Variants in SKAP1 observed in about 807,000 individuals in gnomAD.
The protein encoded by SKAP1 is src kinase associated phosphoprotein 1, also known as src kinase-associated phosphoprotein 1.
SKAP1 carries 44 observed loss-of-function variants against 58.5 expected under a neutral mutation model. The ratio of observed to expected loss-of-function variants is 0.75; its 90% confidence interval spans 0.59 to 0.97. SKAP1 has a LOEUF of 0.97. Among genes scored for constraint, SKAP1 ranks in the 50% least tolerant of loss-of-function variants. The pLI, the probability that SKAP1 is intolerant of heterozygous loss-of-function variation, is 0.00. For missense variants in SKAP1, 390 were observed against 435.2 expected (o/e 0.90, Z 0.92); for synonymous variants, 127 against 149.7 (o/e 0.85, Z 1.11).
chr17:48,370,244 C>T (rs1001945181), intron 2 of SKAP1, among the ~76,000 whole-genome samples: 1 of 152,178 alleles, frequency 6.6e-6, no homozygotes, highest in South Asian at 2.1e-4. Context: ...AAATGCTCAA[C>T]ATTACTAATC....
intron 11 of SKAP1, among the ~76,000 whole-genome samples, chr17:48,153,377 T>C (rs1452645471): frequency 6.6e-6 from 1 of 152,166 alleles, no homozygotes; most frequent in African/African-American, 2.4e-5. Flanking sequence ...AGACGATTGG[T>C]TCCTGTCTGG....
intron 4 of SKAP1, chr17:48,295,577 G>GCC (rs2065957025): frequency 1.3e-5 from 2 of 149,660 alleles, no homozygotes; most frequent in Non-Finnish European, 3.0e-5. Context: ...ATCAGGAAAT[G>GCC]TCTTCAGTTT....
At chr17:48,190,794 G>A (rs1025800777) in intron 4 of SKAP1, among the ~76,000 whole-genome samples, 2 of 152,042 alleles carry the variant, frequency 1.3e-5, no homozygotes, top group Non-Finnish European at 2.9e-5. Context: ...GACCAGCCTG[G>A]CCAACATGGT....
At chr17:48,318,960 CCTT>C (rs2066324968) in intron 4 of SKAP1, among the ~76,000 whole-genome samples, 1 of 152,188 alleles carries the variant, frequency 6.6e-6, no homozygotes, top group African/African-American at 2.4e-5. Context: ...ATGTAAATAA[CCTT>C]CTTGAAGTGG....
chr17:48,211,986 C>T (rs978938362), intron 4 of SKAP1, among the ~76,000 whole-genome samples: 2 of 150,384 alleles, frequency 1.3e-5, no homozygotes, highest in Admixed American at 1.3e-4. Context: ...AGTTAAATCA[C>T]GTGGTCAAAT....
chr17:48,390,515 G>A (rs1478708659), intron 2 of SKAP1, among the ~76,000 whole-genome samples: 1 of 152,174 alleles, frequency 6.6e-6, no homozygotes, highest in Non-Finnish European at 1.5e-5. Context: ...TCCATATTGA[G>A]TAGCTAATAG....
intron 3 of SKAP1, among the ~76,000 whole-genome samples, chr17:48,354,869 A>C (rs992855721): frequency 2.6e-5 from 4 of 152,204 alleles, no homozygotes; most frequent in African/African-American, 9.7e-5. Context: ...AAGCAAAAAA[A>C]ACAAAAAAGC....
intron 3 of SKAP1, among the ~76,000 whole-genome samples, chr17:48,358,449 A>C (rs1319081364): frequency 2.6e-5 from 4 of 152,180 alleles, no homozygotes; most frequent in Non-Finnish European, 5.9e-5. Flanking sequence ...GTATGTGACC[A>C]TAAGGGACAA....
chr17:48,157,515 G>T (rs1173399197), intron 11 of SKAP1, among the ~76,000 whole-genome samples: 11 of 132,940 alleles, frequency 8.3e-5, no homozygotes, highest in African/African-American at 2.5e-4. Context: ...GGTTACAGGT[G>T]TAAGCCACCG....
At chr17:48,144,515 C>T (rs1267396784) in intron 11 of SKAP1, among the ~76,000 whole-genome samples, 2 of 152,168 alleles carry the variant, frequency 1.3e-5, no homozygotes, top group Non-Finnish European at 2.9e-5. Flanking sequence ...ATTAAAACAA[C>T]ATTAAACTCA....
At chr17:48,284,933 A>G (rs953034426) in intron 4 of SKAP1, among the ~76,000 whole-genome samples, 2 of 152,210 alleles carry the variant, frequency 1.3e-5, no homozygotes, top group Non-Finnish European at 2.9e-5. Context: ...GCACACTGAA[A>G]TTCTTAGTTG....
At chr17:48,260,641 G>GT (rs909299060) in intron 4 of SKAP1, among the ~76,000 whole-genome samples, 24 of 152,026 alleles carry the variant, frequency 1.6e-4, no homozygotes, top group African/African-American at 5.8e-4. Flanking sequence ...GTGTGTGTGT[G>GT]TATCAATATA....
chr17:48,251,964 A>G (rs2065368982), intron 4 of SKAP1, among the ~76,000 whole-genome samples: 1 of 152,254 alleles, frequency 6.6e-6, no homozygotes, highest in Non-Finnish European at 1.5e-5. Context: ...ATTCTAAACA[A>G]GAATAGATAG....
intron 4 of SKAP1, among the ~76,000 whole-genome samples, chr17:48,330,601 T>C (rs1426043026): frequency 6.6e-6 from 1 of 152,250 alleles, no homozygotes; most frequent in Non-Finnish European, 1.5e-5. Flanking sequence ...ACCCGCCCTC[T>C]TCATTCATGC....
chr17:48,430,077 TC>T lies in SKAP1; in HGVS notation c.43del (p.Glu15LysfsTer85). ...ALPEEIRWLL[E>X]DAEEFLAEGL... ...GGGGGCCTGCGCCAGGGCGTTACCT[TC>T]CAGGAGCCAACGGATCTCCTCAGGG... On this transcript the variant is annotated frameshift_variant, in exon 1 of 13. Coordinates refer to ENST00000336915, the MANE Select transcript of SKAP1 (RefSeq NM_003726.4). LOFTEE classifies it high-confidence loss of function. The T allele has an allele frequency of 7.9e-7, 1 of 1,266,330 alleles. No homozygotes were observed. The highest frequency in any genetic ancestry group is 3.0e-5 in the East Asian group (1 of 32,952). The allele number at this position is 1,266,330 out of a possible 1,614,324, so 78.4% of individuals were successfully genotyped here.
At chr17:48,430,852 C>A (rs2067909744), upstream of SKAP1, among the ~76,000 whole-genome samples, 1 of 152,124 alleles carries the variant, frequency 6.6e-6, no homozygotes, top group Non-Finnish European at 1.5e-5. Flanking sequence ...GAGAGGAGAA[C>A]AGAGCCCTTT....
At chr17:48,364,718 C>A (rs1340378155) in intron 2 of SKAP1, among the ~76,000 whole-genome samples, 2 of 152,122 alleles carry the variant, frequency 1.3e-5, no homozygotes, top group Non-Finnish European at 2.9e-5. Flanking sequence ...GAAACATGAA[C>A]AATTGACTTA....
chr17:48,406,008 T>C (rs1329555914), intron 1 of SKAP1, among the ~76,000 whole-genome samples: 2 of 151,916 alleles, frequency 1.3e-5, no homozygotes, highest in East Asian at 3.9e-4. Context: ...GGCTCACACC[T>C]GTAATCCCAG....
chr17:48,347,933 A>C (rs1186543030), intron 3 of SKAP1, among the ~76,000 whole-genome samples: 1 of 152,226 alleles, frequency 6.6e-6, no homozygotes, highest in Non-Finnish European at 1.5e-5. Flanking sequence ...AAGTACTGGA[A>C]TTGCCAAGCA....
Sources: allele counts gnomAD v4.1 joint callset (sites outside exome capture counted in the v4.1 genomes callset), GRCh38; gene constraint gnomAD v4.1.1; transcripts MANE v1.5; gene names NCBI Gene and HGNC (gene_info 2026-07-23, HGNC 2026-07-21).